FAM171A1: variants seen among roughly 807,000 people sequenced by gnomAD.
FAM171A1 encodes protein FAM171A1.
Under a neutral mutation model 74.9 loss-of-function variants are expected in FAM171A1, and 23 were observed. The ratio of observed to expected loss-of-function variants is 0.31; its 90% CI spans 0.22 to 0.44. The LOEUF is 0.44. FAM171A1 is among the 20% of genes least tolerant of loss of function. FAM171A1 has a pLI of 1.00. For missense variants in FAM171A1, 1,162 were observed against 1,159.2 expected (o/e 1.00, Z -0.03); for synonymous variants, 527 against 505.7 (o/e 1.04, Z -0.57).
At chr10:15,334,827 C>T (rs895120645) in intron 1 of FAM171A1, among the ~76,000 whole-genome samples, 1 of 152,200 alleles carries the variant, frequency 6.6e-6, no homozygotes, top group African/African-American at 2.4e-5. Context: ...TAGCTGAATA[C>T]ACTTTATGCT....
chr10:15,349,671 A>G (rs1835856339), intron 1 of FAM171A1, among the ~76,000 whole-genome samples: 1 of 152,186 alleles, frequency 6.6e-6, no homozygotes, highest in African/African-American at 2.4e-5. Context: ...GGACTTGGAA[A>G]GGTAAACGTG....
chr10:15,222,933 G>A (rs1046410570), intron 5 of FAM171A1, among the ~76,000 whole-genome samples: 2 of 152,246 alleles, frequency 1.3e-5, no homozygotes, highest in Non-Finnish European at 2.9e-5. Flanking sequence ...AAATGGGTAT[G>A]AGGGCAGGGA....
intron 4 of FAM171A1, among the ~76,000 whole-genome samples, chr10:15,251,759 CT>C: frequency 6.6e-6 from 1 of 152,036 alleles, no homozygotes; most frequent in Non-Finnish European, 1.5e-5. Flanking sequence ...TTTTCCTTCT[CT>C]TTGTTATGAA....
At chr10:15,319,657 T>C (rs1013426167) in intron 1 of FAM171A1, among the ~76,000 whole-genome samples, 2 of 152,322 alleles carry the variant, frequency 1.3e-5, no homozygotes, top group Admixed American at 6.5e-5. Context: ...GGTCTCGAAC[T>C]CCTGACCTCA....
intron 5 of FAM171A1, among the ~76,000 whole-genome samples, chr10:15,247,170 C>G (rs891478102): frequency 3.3e-5 from 5 of 152,146 alleles, no homozygotes; most frequent in Admixed American, 1.3e-4. Flanking sequence ...GATATATCCA[C>G]AGGGTGGAAT....
chr10:15,226,923 C>T (rs369514915), intron 5 of FAM171A1, among the ~76,000 whole-genome samples: 2 of 152,284 alleles, frequency 1.3e-5, no homozygotes, highest in South Asian at 4.1e-4. Context: ...AAACACACAA[C>T]CTTATTACAG....
chr10:15,224,061 T>G (rs1357174845), intron 5 of FAM171A1, among the ~76,000 whole-genome samples: 1 of 151,970 alleles, frequency 6.6e-6, no homozygotes, highest in Non-Finnish European at 1.5e-5. Flanking sequence ...GGCCAGAAAG[T>G]CCATTGGCTG....
In FAM171A1 at chr10:15,224,770, C is replaced by T. The variant is rs149745840; in HGVS notation, c.755-3710G>A. 5.0e-3 allele frequency among the ~76,000 whole-genome samples: 760 copies of T among 152,226 alleles called. 7 individuals carry two copies. The highest frequency in any genetic ancestry group is 0.017 in the African/African-American group (701 of 41,506). ...CATGTGGAACTGTGAGTCTATTAAACCTCTTTTTCTTTATAAATTTCCCAG... is the reference window on the plus strand; with the variant it reads ...CATGTGGAACTGTGAGTCTATTAAATCTCTTTTTCTTTATAAATTTCCCAG... On this transcript the variant is annotated intron_variant, in intron 5 of 7. Coordinates refer to ENST00000378116, the MANE Select transcript of FAM171A1 (RefSeq NM_001010924.2).
intron 4 of FAM171A1, among the ~76,000 whole-genome samples, chr10:15,252,622 G>A (rs1025373084): frequency 2.0e-5 from 3 of 152,146 alleles, no homozygotes; most frequent in Non-Finnish European, 2.9e-5. Flanking sequence ...CCAAGTCCCC[G>A]AGGGCGCGTG....
intron 6 of FAM171A1, among the ~76,000 whole-genome samples, chr10:15,218,914 C>A (rs987249300): frequency 1.6e-4 from 24 of 152,034 alleles, no homozygotes; most frequent in Non-Finnish European, 3.4e-4. Context: ...CTTTTTATAG[C>A]CTTGAGTCTC....
chr10:15,367,584 C>T lies in FAM171A1; in HGVS notation c.97+3372G>A, dbSNP rs546215777. On this transcript the variant is annotated intron_variant, in intron 1 of 7. Coordinates refer to ENST00000378116, the MANE Select transcript of FAM171A1 (RefSeq NM_001010924.2). ...TAAGTTAGGCTTGTTGGATGATCCT[C>T]CTGATACCTTACATGGCTTCGTGGT... Among the ~76,000 whole-genome samples, 115 of 152,302 alleles carry T rather than the reference C, an allele frequency of 7.6e-4. 2 individuals carry two copies. The South Asian group carries it at 0.023, about 31-fold the overall frequency.
chr10:15,301,364 T>TATA (rs1323089320), intron 1 of FAM171A1, among the ~76,000 whole-genome samples: 15,894 of 102,304 alleles, frequency 0.16, 1,061 homozygotes, highest in Non-Finnish European at 0.22. Flanking sequence ...ATATATATAT[T>TATA]TTTTTTTTTT....
At chr10:15,278,793 G>A (rs1432179369) in intron 2 of FAM171A1, among the ~76,000 whole-genome samples, 1 of 152,070 alleles carries the variant, frequency 6.6e-6, no homozygotes, top group Non-Finnish European at 1.5e-5. Flanking sequence ...TGGGGTTTTG[G>A]GGGTGAGGAA....
At chr10:15,229,110 C>G (rs758187550) in intron 5 of FAM171A1, among the ~76,000 whole-genome samples, 1 of 152,196 alleles carries the variant, frequency 6.6e-6, no homozygotes, top group Non-Finnish European at 1.5e-5. Flanking sequence ...TCAATGAAGA[C>G]GTGATTGTCC....
In FAM171A1 at chr10:15,213,677, G is replaced by C; in HGVS notation, c.1911C>G (p.Pro637=). The C allele has an allele frequency of 6.2e-7, 1 of 1,613,324 alleles. No individual in the cohort carries two copies. The highest frequency in any genetic ancestry group is 8.5e-7 in the Non-Finnish European group (1 of 1,179,500). The change falls in exon 8 of 8, where the codon CCC becomes CCG. Residue 637 remains proline, a synonymous_variant. Coordinates refer to ENST00000378116, the MANE Select transcript of FAM171A1 (RefSeq NM_001010924.2). This position sits in a 1 kb window ranked among gnomAD's most constrained non-coding sequence, Gnocchi z 6.8. The part of the protein sequence containing the change: ...PHPSSQIQPQ[P]LSSQAISQQH... Reference sequence around the variant, plus strand: ...GCTGAGAGATGGCCTGGGAAGACAGGGGCTGGGGCTGGATCTGTGAGGACG... The same window carrying C: ...GCTGAGAGATGGCCTGGGAAGACAGCGGCTGGGGCTGGATCTGTGAGGACG...
At position 15,217,639 on chromosome 10, in the gene FAM171A1, A is replaced by ATT. The variant is rs112034740; in HGVS notation, c.872-1531_872-1530dup. On this transcript the variant is annotated intron_variant, in intron 6 of 7. Transcript: ENST00000378116. ...ACTGGCTTACTTGTTCAGAGAAACA[A>ATT]TTTTTTTTTTTTTTTGAGACGGAGT... Among the ~76,000 whole-genome samples, 110 of 145,348 alleles carry ATT rather than the reference A, an allele frequency of 7.6e-4. 1 individual carries two copies. Among genetic ancestry groups the ATT allele is most frequent in the African/African-American group, 2.0e-3 (79 of 39,952 alleles).
chr10:15,213,175 C>G lies in FAM171A1; in HGVS notation c.2413G>C (p.Val805Leu). ...EQSGSECGTT[V>L]CTPEDSALRC... is the part of the protein sequence containing the mutation. ...AGGGCACTGTCCTCGGGGGTACAGA[C>G]CGTGGTCCCACATTCGCTACCACTC... The change falls in exon 8 of 8, where the codon GTC (valine) becomes CTC (leucine). Residue 805 changes from valine (V) to leucine (L), a missense_variant. Physicochemically the swap from Val to Leu is conservative, Grantham distance 32. Transcript: ENST00000378116. This position sits in a 1 kb window ranked among gnomAD's most constrained non-coding sequence, Gnocchi z 6.8. 1.9e-6 allele frequency: 3 copies of G among 1,614,142 alleles called. No individual in the cohort carries two copies. The highest frequency in any genetic ancestry group is 2.5e-6 in the Non-Finnish European group (3 of 1,180,036).
intron 5 of FAM171A1, among the ~76,000 whole-genome samples, chr10:15,229,264 C>T (rs1042982725): frequency 6.6e-6 from 1 of 152,184 alleles, no homozygotes; most frequent in Admixed American, 6.5e-5. Flanking sequence ...TTTCATTTTT[C>T]AGCTGTGGGC....
chr10:15,284,222 A>G (rs1388439770), intron 1 of FAM171A1, 117 bp from the exon 2 acceptor site: 6 of 863,740 alleles, frequency 6.9e-6, no homozygotes, highest in Middle Eastern at 2.4e-4. Flanking sequence ...CAAGGTTGAC[A>G]CTCAAAATAT....
Sources: allele counts gnomAD v4.1 joint callset (sites outside exome capture counted in the v4.1 genomes callset), GRCh38; gene constraint gnomAD v4.1.1; non-coding constraint Gnocchi (gnomAD v3.1); transcripts MANE v1.5; gene names NCBI Gene and HGNC (gene_info 2026-07-23, HGNC 2026-07-21).